The following KCTD8 variants were observed in gnomAD, a reference collection of about 807,000 sequenced individuals.
The protein encoded by KCTD8 is potassium channel tetramerization domain containing 8, also known as BTB/POZ domain-containing protein KCTD8.
A neutral mutation model predicts 31.5 loss-of-function variants in KCTD8; 27 were observed. That is an observed-to-expected ratio of 0.86 (90% CI 0.63 to 1.18). KCTD8 has a LOEUF of 1.18. Among genes scored for constraint, KCTD8 ranks in the 50% most tolerant of loss-of-function variants. The pLI is 0.00. For synonymous variants in KCTD8, 290 were observed against 280.0 expected (o/e 1.04, Z -0.36); for missense variants, 658 against 647.7 (o/e 1.02, Z -0.17).
At chr4:44,198,727 CAACTT>C (rs1458367274) in intron 1 of KCTD8, among the ~76,000 whole-genome samples, 1 of 152,068 alleles carries the variant, frequency 6.6e-6, no homozygotes, top group African/African-American at 2.4e-5. Flanking sequence ...AGCTCACAGA[CAACTT>C]AAAGTGATTA....
intron 1 of KCTD8, among the ~76,000 whole-genome samples, chr4:44,377,737 T>C (rs1719952185): frequency 6.6e-6 from 1 of 152,192 alleles, no homozygotes; most frequent in Admixed American, 6.6e-5. Flanking sequence ...GTAGGTAACA[T>C]GGCTTCACTG....
chr4:44,286,284 A>AT (rs1446461453), intron 1 of KCTD8, among the ~76,000 whole-genome samples: 20 of 152,252 alleles, frequency 1.3e-4, no homozygotes, highest in Non-Finnish European at 1.5e-5. Flanking sequence ...AGATATCATA[A>AT]ATTCAGTATC....
chr4:44,222,585 C>T (rs1714838587), intron 1 of KCTD8, among the ~76,000 whole-genome samples: 1 of 152,140 alleles, frequency 6.6e-6, no homozygotes, highest in South Asian at 2.1e-4. Context: ...TACCTGAGTG[C>T]CTGCTGTCCT....
chr4:44,320,286 G>T (rs984771621), intron 1 of KCTD8, among the ~76,000 whole-genome samples: 1 of 146,414 alleles, frequency 6.8e-6, no homozygotes, highest in Non-Finnish European at 1.5e-5. Flanking sequence ...CACTATCTAT[G>T]TACCTTTCCA....
intron 1 of KCTD8, among the ~76,000 whole-genome samples, chr4:44,443,362 T>A (rs767711265): frequency 7.9e-5 from 12 of 152,244 alleles, no homozygotes; most frequent in Non-Finnish European, 8.8e-5. Context: ...CTAAACAGAA[T>A]GATTTTTAAA....
intron 1 of KCTD8, among the ~76,000 whole-genome samples, chr4:44,179,026 G>T (rs80126517): frequency 0.031 from 4,777 of 152,240 alleles, 137 homozygotes; most frequent in Non-Finnish European, 0.044. Flanking sequence ...CTCCAAGTGG[G>T]TGAGGACAAA....
At chr4:44,249,445 A>AT (rs1715763134) in intron 1 of KCTD8, among the ~76,000 whole-genome samples, 2 of 151,718 alleles carry the variant, frequency 1.3e-5, no homozygotes, top group South Asian at 2.1e-4. Flanking sequence ...AAGCATTGGC[A>AT]TTTTTTCCTG....
chr4:44,267,163 A>G (rs1437774368), intron 1 of KCTD8, among the ~76,000 whole-genome samples: 1 of 152,188 alleles, frequency 6.6e-6, no homozygotes, highest in Non-Finnish European at 1.5e-5. Flanking sequence ...TCCTCAGCAA[A>G]TGTAAAAGAA....
intron 1 of KCTD8, among the ~76,000 whole-genome samples, chr4:44,286,778 G>GT (rs1290300291): frequency 6.6e-6 from 1 of 152,078 alleles, no homozygotes; most frequent in African/African-American, 2.4e-5. Flanking sequence ...GAGGATGGAT[G>GT]GTTTAGGGGT....
intron 1 of KCTD8, among the ~76,000 whole-genome samples, chr4:44,197,408 C>T (rs769861257): frequency 6.6e-6 from 1 of 152,078 alleles, no homozygotes; most frequent in African/African-American, 2.4e-5. Flanking sequence ...CTCCAAGGCC[C>T]AGGAGCAGAT....
chr4:44,264,744 T>TGGCTCGGAGGGTCCTACACCC (rs1439858340), intron 1 of KCTD8, among the ~76,000 whole-genome samples: 19 of 152,166 alleles, frequency 1.2e-4, no homozygotes, highest in Non-Finnish European at 2.6e-4. Context: ...ATCCCGCACA[T>TGGCTCGGAGGGTCCTACACCC]GGCTCGGAGG....
At chr4:44,370,323 T>C (rs988936183) in intron 1 of KCTD8, among the ~76,000 whole-genome samples, 1 of 152,292 alleles carries the variant, frequency 6.6e-6, no homozygotes, top group African/African-American at 2.4e-5. Flanking sequence ...TTTGGGAAGA[T>C]AAAATATTTC....
intron 1 of KCTD8, among the ~76,000 whole-genome samples, chr4:44,339,925 A>C (rs548826704): frequency 6.6e-6 from 1 of 152,318 alleles, no homozygotes; most frequent in Admixed American, 6.5e-5. Flanking sequence ...TGTTCAAGTC[A>C]ATATATTCAA....
chr4:44,302,761 T>A (rs973152664), intron 1 of KCTD8, among the ~76,000 whole-genome samples: 2 of 151,872 alleles, frequency 1.3e-5, no homozygotes, highest in African/African-American at 4.8e-5. Flanking sequence ...CTATGTTGAA[T>A]AGGAGTGGTG....
intron 1 of KCTD8, among the ~76,000 whole-genome samples, chr4:44,226,206 G>A (rs1714957545): frequency 6.6e-6 from 1 of 151,984 alleles, no homozygotes; most frequent in South Asian, 2.1e-4. Flanking sequence ...CCCACCTCCT[G>A]ACAGGCCCCG....
chr4:44,198,827 T>A (rs1714028677), intron 1 of KCTD8, among the ~76,000 whole-genome samples: 1 of 152,042 alleles, frequency 6.6e-6, no homozygotes, highest in Admixed American at 6.6e-5. Context: ...TGAATACCAA[T>A]GATCCAAATG....
chr4:44,182,918 T>C (rs1195939908), intron 1 of KCTD8, among the ~76,000 whole-genome samples: 1 of 152,216 alleles, frequency 6.6e-6, no homozygotes, highest in Admixed American at 6.5e-5. Context: ...TTACCTAACA[T>C]ATATATTAAG....
chr4:44,439,362 AG>A (rs572393389), intron 1 of KCTD8, among the ~76,000 whole-genome samples: 142 of 152,302 alleles, frequency 9.3e-4, no homozygotes, highest in Non-Finnish European at 1.5e-3. Flanking sequence ...CGATAAAAGC[AG>A]GGTTTAATGA....
chr4:44,354,732 A>G (rs1394165581), intron 1 of KCTD8, among the ~76,000 whole-genome samples: 2 of 152,148 alleles, frequency 1.3e-5, no homozygotes, highest in African/African-American at 4.8e-5. Context: ...AAGGCACAGG[A>G]ATGTTAAATA....
Sources: allele counts gnomAD v4.1 joint callset (sites outside exome capture counted in the v4.1 genomes callset), GRCh38; gene constraint gnomAD v4.1.1; transcripts MANE v1.5; gene names NCBI Gene and HGNC (gene_info 2026-07-23, HGNC 2026-07-21).